Variants in SEMA5A observed in about 807,000 individuals in gnomAD.
SEMA5A encodes semaphorin 5A, also known as semaphorin-5A.
Under a neutral mutation model 135.5 loss-of-function variants are expected in SEMA5A, and 55 were observed. The ratio of observed to expected loss-of-function variants is 0.41; its 90% CI spans 0.33 to 0.51. SEMA5A has a LOEUF of 0.51. Ranked by LOEUF, SEMA5A falls within the 20% of genes least tolerant of loss-of-function variation. The pLI, the probability that SEMA5A is intolerant of heterozygous loss-of-function variation, is 0.37. For synonymous variants in SEMA5A, 580 were observed against 546.5 expected (o/e 1.06, Z -0.85); for missense variants, 1,290 against 1,419.9 (o/e 0.91, Z 1.47).
intron 2 of SEMA5A, among the ~76,000 whole-genome samples, chr5:9,428,146 AT>A (rs1334182055): frequency 3.7e-5 from 5 of 133,500 alleles, no homozygotes; most frequent in Non-Finnish European, 7.8e-5. Flanking sequence ...CTATCTATCT[AT>A]CTATCTATCT....
chr5:9,176,238 C>T (rs1744197447), intron 11 of SEMA5A, among the ~76,000 whole-genome samples: 1 of 152,126 alleles, frequency 6.6e-6, no homozygotes, highest in Admixed American at 6.5e-5. Context: ...AGTAAGTGGC[C>T]ACATTGAAGA....
chr5:9,424,884 G>A (rs1259021194), intron 2 of SEMA5A, among the ~76,000 whole-genome samples: 1 of 152,122 alleles, frequency 6.6e-6, no homozygotes, highest in Non-Finnish European at 1.5e-5. Flanking sequence ...CATCATCTGT[G>A]AGAGCTTCAA....
chr5:9,061,635 A>G (rs1005974508), intron 18 of SEMA5A, among the ~76,000 whole-genome samples: 1 of 152,126 alleles, frequency 6.6e-6, no homozygotes, highest in African/African-American at 2.4e-5. Flanking sequence ...CTTGAATATT[A>G]AAGGGAAAGA....
intron 2 of SEMA5A, among the ~76,000 whole-genome samples, chr5:9,406,301 G>C (rs959382824): frequency 1.3e-5 from 2 of 152,164 alleles, no homozygotes; most frequent in African/African-American, 4.8e-5. Context: ...CTTCTAAAAG[G>C]CTGGCCAGTG....
chr5:9,379,276 C>T (rs906897131), intron 3 of SEMA5A, among the ~76,000 whole-genome samples: 9 of 151,982 alleles, frequency 5.9e-5, no homozygotes, highest in Admixed American at 4.6e-4. Flanking sequence ...TTGAGTGCCC[C>T]GGGTGTGAAG....
chr5:9,424,671 T>C lies in SEMA5A; in HGVS notation c.-78+13085A>G, dbSNP rs187632555. Among the ~76,000 whole-genome samples, 77 of 152,274 alleles carry C rather than the reference T, an allele frequency of 5.1e-4. No homozygotes were observed. In the East Asian group the frequency reaches 0.012, roughly 24 times the overall value. On this transcript the variant is annotated intron_variant, in intron 2 of 22. Coordinates refer to ENST00000382496, the MANE Select transcript of SEMA5A (RefSeq NM_003966.3). ...TCCAACCCCTATACCTCCCCAGGGC[T>C]TCTCTGTCTCAGTAAGTTGTCCACC...
At chr5:9,046,927 C>A (rs944339461) in intron 21 of SEMA5A, among the ~76,000 whole-genome samples, 7 of 152,190 alleles carry the variant, frequency 4.6e-5, no homozygotes, top group Admixed American at 3.9e-4. Context: ...CACTCACAAC[C>A]ACCTCAACTT....
chr5:9,461,112 C>A (rs189400503), intron 1 of SEMA5A, among the ~76,000 whole-genome samples: 1 of 152,084 alleles, frequency 6.6e-6, no homozygotes, highest in Non-Finnish European at 1.5e-5. Flanking sequence ...TGGTCGTTGG[C>A]TTTTCTCAAA....
intron 2 of SEMA5A, among the ~76,000 whole-genome samples, chr5:9,387,710 T>A (rs1463358377): frequency 3.9e-5 from 6 of 152,212 alleles, no homozygotes; most frequent in Admixed American, 3.9e-4. Context: ...AAATGAAGAA[T>A]CAATAAAACA....
intron 11 of SEMA5A, among the ~76,000 whole-genome samples, chr5:9,189,133 T>C (rs1204276693): frequency 1.3e-5 from 2 of 152,250 alleles, no homozygotes; most frequent in Non-Finnish European, 2.9e-5. Flanking sequence ...AGTCCCTGCT[T>C]AGCTTCATCA....
intron 11 of SEMA5A, among the ~76,000 whole-genome samples, chr5:9,155,975 A>G (rs1390611769): frequency 6.6e-6 from 1 of 152,222 alleles, no homozygotes; most frequent in African/African-American, 2.4e-5. Flanking sequence ...TTTTAAGCTA[A>G]CTGGTTAAAT....
chr5:9,313,128 T>C (rs1325191961), intron 5 of SEMA5A, among the ~76,000 whole-genome samples: 1 of 152,126 alleles, frequency 6.6e-6, no homozygotes, highest in Non-Finnish European at 1.5e-5. Flanking sequence ...TGAATGTCAC[T>C]AAGTAGGAAA....
In SEMA5A at chr5:9,390,682, C is replaced by CA. The variant is rs1408156159; in HGVS notation, c.-77-10660dup. Among the ~76,000 whole-genome samples, 662 of 140,610 alleles carry CA rather than the reference C, an allele frequency of 4.7e-3. 4 individuals carry two copies. The highest frequency in any genetic ancestry group is 0.015 in the African/African-American group (584 of 38,306). The allele number at this position is 140,610 out of a possible 152,430, so 92.2% of individuals were successfully genotyped here. On this transcript the variant is annotated intron_variant, in intron 2 of 22. Coordinates refer to ENST00000382496, the MANE Select transcript of SEMA5A (RefSeq NM_003966.3). ...TAGAGTTTGTCACAATCTTTGATCT[C>CA]AAAAAAAAAAAGTCAGACCTCTAGA...
chr5:9,509,919 C>T (rs974886230), intron 1 of SEMA5A, among the ~76,000 whole-genome samples: 2 of 151,788 alleles, frequency 1.3e-5, no homozygotes, highest in African/African-American at 4.8e-5. Context: ...AGAGAGAAAA[C>T]AAAAAGTATA....
chr5:9,197,785 T>TGTGTGTGTGTGTGTATGTG (rs1561011433), intron 9 of SEMA5A, among the ~76,000 whole-genome samples: 4 of 117,856 alleles, frequency 3.4e-5, no homozygotes, highest in South Asian at 2.8e-4. Flanking sequence ...TGTGTGTGTG[T>TGTGTGTGTGTGTGTATGTG]TTTAACCCAG....
intron 5 of SEMA5A, among the ~76,000 whole-genome samples, chr5:9,267,541 A>G (rs1749747854): frequency 1.3e-5 from 2 of 152,112 alleles, no homozygotes; most frequent in South Asian, 4.1e-4. Flanking sequence ...TTTCTTATTT[A>G]CAGACCCTGA....
chr5:9,462,638 T>C (rs1056554935), intron 1 of SEMA5A, among the ~76,000 whole-genome samples: 10 of 152,132 alleles, frequency 6.6e-5, no homozygotes, highest in Non-Finnish European at 1.0e-4. Flanking sequence ...TGGAATACTA[T>C]GCAGCCATTA....
intron 1 of SEMA5A, among the ~76,000 whole-genome samples, chr5:9,505,837 C>A (rs1735854586): frequency 6.6e-6 from 1 of 152,310 alleles, no homozygotes; most frequent in East Asian, 1.9e-4. Context: ...GACTTTCTGG[C>A]TTACAATTTC....
intron 16 of SEMA5A, among the ~76,000 whole-genome samples, chr5:9,083,338 AAATT>A (rs572202644): frequency 1.3e-3 from 192 of 152,290 alleles, no homozygotes; most frequent in African/African-American, 4.5e-3. Context: ...TTACTATGGG[AAATT>A]AATTATGTTC....
Sources: gnomAD v4.1 joint callset for allele counts (sites outside exome capture counted in the v4.1 genomes callset) on GRCh38, gnomAD v4.1.1 for gene constraint, MANE v1.5 for transcripts, NCBI Gene and HGNC (gene_info 2026-07-23, HGNC 2026-07-21) for gene names.